Variants in UNC13C observed in about 807,000 individuals in gnomAD.
UNC13C encodes the protein unc-13 homolog C.
UNC13C carries 174 observed loss-of-function variants against 245.4 expected under a neutral mutation model. That is an observed-to-expected ratio of 0.71 (90% CI 0.63 to 0.80). UNC13C has a LOEUF of 0.80. Ranked by LOEUF, UNC13C falls within the 30% of genes least tolerant of loss-of-function variation. The pLI is 0.00. For missense variants in UNC13C, 2,829 were observed against 2,602.9 expected, an observed-to-expected ratio of 1.09 and a Z score of -1.89; for synonymous variants, 992 against 895.1, an observed-to-expected ratio of 1.11 and a Z score of -1.93.
chr15:54,080,251 C>T (rs558197228), intron 2 of UNC13C, among the ~76,000 whole-genome samples: 110 of 151,824 alleles, frequency 7.2e-4, no homozygotes, highest in Middle Eastern at 3.4e-3. Context: ...TTGGGGTCTA[C>T]GTTCATCAAG....
At chr15:54,350,271 T>G (rs2038953311) in intron 17 of UNC13C, among the ~76,000 whole-genome samples, 1 of 152,192 alleles carries the variant, frequency 6.6e-6, no homozygotes, top group Non-Finnish European at 1.5e-5. Flanking sequence ...ATTACAGGCG[T>G]GAGACCCCAC....
intron 4 of UNC13C, 96 bp downstream of exon 4, chr15:54,143,780 T>G: frequency 1.2e-6 from 1 of 822,006 alleles, no homozygotes; most frequent in Non-Finnish European, 1.9e-6. Flanking sequence ...TGCTGCATGA[T>G]TAGCTAGCCT....
chr15:54,447,611 T>C (rs1371857892), intron 19 of UNC13C, among the ~76,000 whole-genome samples: 2 of 152,238 alleles, frequency 1.3e-5, no homozygotes, highest in African/African-American at 2.4e-5. Context: ...GTGGGATCGA[T>C]GGTGATATCC....
intron 4 of UNC13C, among the ~76,000 whole-genome samples, chr15:54,204,954 T>A (rs1163810806): frequency 6.6e-6 from 1 of 152,028 alleles, no homozygotes; most frequent in African/African-American, 2.4e-5. Context: ...CAATGTCATG[T>A]TAAAAATCAT....
Position 54,293,944 on chromosome 15 carries a change from G to T in UNC13C, c.3868G>T (p.Asp1290Tyr). Residue 1290 changes from aspartate to tyrosine, a missense_variant, in exon 11 of 33, where the codon GAT becomes TAT. Transcript: ENST00000260323. ...AATCAAAGTCAGAGTATGGGATGAA[G>T]ATGATGATATTAAATCCAGAGTCAA... ...DRIKVRVWDE[D>Y]DDIKSRVKQH... is the part of the protein sequence containing the mutation. 1 of 1,589,954 alleles carries T rather than the reference G, an allele frequency of 6.3e-7. No homozygotes were observed. The highest frequency in any genetic ancestry group is 8.5e-7 in the Non-Finnish European group (1 of 1,170,048).
chr15:54,462,879 T>A (rs1488423928), intron 19 of UNC13C, among the ~76,000 whole-genome samples: 2 of 152,106 alleles, frequency 1.3e-5, no homozygotes, highest in Non-Finnish European at 2.9e-5. Context: ...CCCATGGGCC[T>A]GGCATGGGAT....
chr15:54,475,132 T>C (rs11071079), intron 19 of UNC13C, among the ~76,000 whole-genome samples: 67,039 of 151,650 alleles, frequency 0.44, 15,141 homozygotes, highest in East Asian at 0.71. Flanking sequence ...TTTTCTTTTG[T>C]TGCCTGTGCT....
chr15:53,883,536 A>G, the UNC13C span, among the ~76,000 whole-genome samples: 1 of 152,208 alleles, frequency 6.6e-6, no homozygotes, highest in Admixed American at 6.5e-5. Context: ...GGTCTATCAC[A>G]CATCCTTTCA....
At chr15:54,499,985 C>G (rs4293315) in intron 20 of UNC13C, 94 bp from the exon 21 acceptor site, 1 of 915,772 alleles carries the variant, frequency 1.1e-6, no homozygotes, top group African/African-American at 1.7e-5. Flanking sequence ...ATTGTTGATT[C>G]TAAATTACTC....
chr15:54,097,289 A>G lies in UNC13C; in HGVS notation c.2984-45729A>G, dbSNP rs571351992. ...CTCCTTCAAAATTATTATCTATTTT[A>G]CCACATGTACTATTTGTTAGTTGGC... On this transcript the variant is annotated intron_variant, in intron 2 of 32. Transcript: ENST00000260323. 8.8e-4 allele frequency among the ~76,000 whole-genome samples: 134 copies of G among 152,272 alleles called. 1 individual carries two copies. The highest frequency in any genetic ancestry group is 1.5e-3 in the Non-Finnish European group (105 of 68,008).
chr15:53,933,691 C>T, the UNC13C span, among the ~76,000 whole-genome samples: 3 of 152,290 alleles, frequency 2.0e-5, no homozygotes, highest in South Asian at 2.1e-4. Context: ...CTGTTGAATA[C>T]GTCTGTGCCT....
chr15:54,016,969 T>C lies in UNC13C; in HGVS notation c.2983+1083T>C, dbSNP rs369799337. 5.9e-5 allele frequency among the ~76,000 whole-genome samples: 9 copies of C among 152,182 alleles called. No homozygotes were observed. In the South Asian group the frequency reaches 1.9e-3, roughly 31 times the overall value. ...TCTGCAGCCAGTAGCTGGTTATATC[T>C]TCTCTGTCTTGACCAAAGCTGTGAT... is the stretch of plus-strand genomic sequence containing the variant. On this transcript the variant is annotated intron_variant, in intron 2 of 32. Transcript: ENST00000260323.
intron 19 of UNC13C, among the ~76,000 whole-genome samples, chr15:54,424,061 A>G (rs2040707316): frequency 6.6e-6 from 1 of 151,900 alleles, no homozygotes; most frequent in African/African-American, 2.4e-5. Flanking sequence ...TATAATAAAG[A>G]GGATAAAATT....
intron 4 of UNC13C, among the ~76,000 whole-genome samples, chr15:54,183,057 G>A (rs8030682): frequency 0.11 from 16,151 of 151,694 alleles, 1,448 homozygotes; most frequent in African/African-American, 0.24. Flanking sequence ...GATGATTCAA[G>A]CTAGTAGAGG....
At chr15:54,288,120 G>A (rs182568040) in intron 10 of UNC13C, among the ~76,000 whole-genome samples, 5 of 152,270 alleles carry the variant, frequency 3.3e-5, no homozygotes, top group Admixed American at 3.3e-4. Context: ...TAGTAAGACA[G>A]GAAATGGAAA....
At chr15:54,130,519 C>G (rs1322248265) in intron 2 of UNC13C, among the ~76,000 whole-genome samples, 1 of 152,020 alleles carries the variant, frequency 6.6e-6, no homozygotes, top group African/African-American at 2.4e-5. Flanking sequence ...GTCTCTATCT[C>G]CTGACCTCGT....
At chr15:54,145,284 A>G (rs575401880) in intron 4 of UNC13C, among the ~76,000 whole-genome samples, 3 of 152,278 alleles carry the variant, frequency 2.0e-5, no homozygotes, top group Admixed American at 6.5e-5. Context: ...GTTTGTTATT[A>G]AATACATCCA....
chr15:54,143,786 A>C, intron 4 of UNC13C, 102 bp downstream of exon 4: 1 of 768,808 alleles, frequency 1.3e-6, no homozygotes, highest in Non-Finnish European at 2.1e-6. Context: ...ATGATTAGCT[A>C]GCCTCATTGT....
intron 19 of UNC13C, among the ~76,000 whole-genome samples, chr15:54,432,494 T>A (rs1195499288): frequency 6.6e-6 from 1 of 151,964 alleles, no homozygotes; most frequent in Non-Finnish European, 1.5e-5. Flanking sequence ...TGCTCCTGAA[T>A]GACTACTGGG....
Sources: gnomAD v4.1 joint callset for allele counts (sites outside exome capture counted in the v4.1 genomes callset) on GRCh38, gnomAD v4.1.1 for gene constraint, MANE v1.5 for transcripts, NCBI Gene and HGNC (gene_info 2026-07-23, HGNC 2026-07-21) for gene names.